Variants in NEDD1 observed in about 807,000 individuals in gnomAD.
The protein encoded by NEDD1 is NEDD1 gamma-tubulin ring complex targeting factor, also known as protein NEDD1.
A neutral mutation model predicts 74.0 loss-of-function variants in NEDD1; 33 were observed. The ratio of observed to expected loss-of-function variants is 0.45; its 90% CI spans 0.34 to 0.60. The LOEUF is 0.60. Ranked by LOEUF, NEDD1 falls within the 20% of genes least tolerant of loss-of-function variation. The probability of loss-of-function intolerance (pLI) is 0.01; values close to 1 mark genes in which losing one functional copy is unlikely to be tolerated. For missense variants in NEDD1, 746 were observed against 776.5 expected, an observed-to-expected ratio of 0.96 and a Z score of 0.47; for synonymous variants, 250 against 264.4, an observed-to-expected ratio of 0.95 and a Z score of 0.53.
chr12:96,930,632 G>T (rs560455720), intron 6 of NEDD1, among the ~76,000 whole-genome samples: 3 of 152,258 alleles, frequency 2.0e-5, no homozygotes, highest in African/African-American at 7.2e-5. Context: ...TAGGTGTTCA[G>T]CTGTGGTTCA....
intron 6 of NEDD1, among the ~76,000 whole-genome samples, chr12:96,932,202 C>A (rs1229005136): frequency 1.3e-5 from 2 of 151,166 alleles, no homozygotes; most frequent in African/African-American, 2.4e-5. Context: ...TTTTCCCCCC[C>A]ATAAGCTTCT....
intron 6 of NEDD1, among the ~76,000 whole-genome samples, chr12:96,932,583 ATATCT>A (rs988981774): frequency 3.9e-4 from 57 of 145,236 alleles, no homozygotes; most frequent in African/African-American, 1.4e-3. Context: ...TTCTTAGCTA[ATATCT>A]TAATGATATT....
In NEDD1 at chr12:96,945,706, A is replaced by G. The variant is rs1208248441; in HGVS notation, c.1668A>G (p.Ala556=). The change falls in exon 14 of 16, where the codon GCA becomes GCG. Residue 556 remains alanine, a synonymous_variant. Transcript: ENST00000266742. ...NGSSTPNPKI[A]SSVTAGVASS... The stretch of plus-strand genomic sequence containing the variant: ...TCTTTATTTTAGATCCAAAGATAGC[A>G]TCTTCTGTCACTGCTGGAGTTGCCA... 10 of 1,596,674 alleles carry G rather than the reference A, an allele frequency of 6.3e-6. No homozygotes were observed. Among genetic ancestry groups the G allele is most frequent in the Non-Finnish European group, 6.9e-6 (8 of 1,164,574 alleles).
intron 4 of NEDD1, among the ~76,000 whole-genome samples, chr12:96,914,422 C>G (rs1288284315): frequency 2.0e-5 from 3 of 152,046 alleles, no homozygotes; most frequent in Admixed American, 2.0e-4. Flanking sequence ...TGATTCTTAG[C>G]CCTCTTTCCC....
chr12:96,940,590 C>G (rs1028033732), intron 10 of NEDD1, 53 bp downstream of exon 10: 26 of 1,372,110 alleles, frequency 1.9e-5, no homozygotes, highest in Non-Finnish European at 2.5e-5. Context: ...TATTTTTATT[C>G]TGGCTAAAAG....
intron 6 of NEDD1, among the ~76,000 whole-genome samples, chr12:96,934,705 T>G (rs1336765606): frequency 6.6e-6 from 1 of 151,886 alleles, no homozygotes; most frequent in African/African-American, 2.4e-5. Flanking sequence ...GCCCAGCTAA[T>G]TTTTGTATTT....
rs1873728482 is a variant in NEDD1, at chr12:96,909,906, A to G, written c.136+11A>G. ...GTTGGAGCAGCAATAGTATCCTTTAAAAAAAAAAAACACACACACACACAC... is the reference window on the plus strand; with the variant it reads ...GTTGGAGCAGCAATAGTATCCTTTAGAAAAAAAAAACACACACACACACAC... On this transcript the variant is annotated intron_variant, in intron 3 of 15. Coordinates refer to ENST00000266742, the MANE Select transcript of NEDD1 (RefSeq NM_152905.4). The G allele has an allele frequency of 9.3e-7, 1 of 1,079,192 alleles. No individual in the cohort carries two copies. Among genetic ancestry groups the G allele is most frequent in the African/African-American group, 1.9e-5 (1 of 53,956 alleles). The allele number at this position is 1,079,192 out of a possible 1,614,324, so 66.9% of individuals were successfully genotyped here.
rs940939570 is a variant in NEDD1 at position 96,920,178 on chromosome 12, A to G, written c.489+53A>G. The G allele has an allele frequency of 1.0e-5, 12 of 1,151,640 alleles. No individual in the cohort carries two copies. The African/African-American group carries it at 1.9e-4, about 18-fold the overall frequency. 71.3% of individuals were successfully genotyped at this position (1,151,640 alleles called of 1,614,324 possible). ...ATTGGTAAGATAGATTTTGAATTGT[A>G]TCTTACATAAGACTGTGAATTTAAG... On this transcript the variant is annotated intron_variant, in intron 6 of 15. Coordinates refer to ENST00000266742, the MANE Select transcript of NEDD1 (RefSeq NM_152905.4).
Position 96,917,671 on chromosome 12 carries a change from C to T in NEDD1, c.282C>T (p.Ser94=), listed in dbSNP as rs372703485. 22 of 1,543,844 alleles carry T rather than the reference C, an allele frequency of 1.4e-5. No homozygotes were observed. The highest frequency in any genetic ancestry group is 3.9e-5 in the South Asian group (3 of 76,918). The stretch of plus-strand genomic sequence containing the variant: ...ATTCTACATCTATGTATTTGGTAAG[C>T]GGAGGCCTAAATAACACTGTTAATA... ...NLNSTSMYLV[S]GGLNNTVNIW... Residue 94 remains serine (S), a synonymous_variant, in exon 5 of 16, where the codon AGC becomes AGT. Coordinates refer to ENST00000266742, the MANE Select transcript of NEDD1 (RefSeq NM_152905.4).
Position 96,953,218 on chromosome 12 carries a change from A to C in NEDD1, c.*1165A>C, listed in dbSNP as rs945065063. On this transcript the variant is annotated 3_prime_UTR_variant, in exon 16 of 16. Transcript: ENST00000266742. ...AAGTATTTACTAAAATTAAAAAAAAAAAAACAAAAAACAAACCTTTAGCTC... is the reference window on the plus strand; with the variant it reads ...AAGTATTTACTAAAATTAAAAAAAACAAAACAAAAAACAAACCTTTAGCTC... 2.6e-5 allele frequency: 4 copies of C among 151,244 alleles called. No homozygotes were observed. The highest frequency in any genetic ancestry group is 2.1e-4 in the South Asian group (1 of 4,828). The allele number at this position is 151,244 out of a possible 1,614,324, so 9.4% of individuals were successfully genotyped here.
intron 6 of NEDD1, among the ~76,000 whole-genome samples, chr12:96,932,443 A>AC (rs1491121551): frequency 2.2e-4 from 3 of 13,352 alleles, no homozygotes; most frequent in African/African-American, 6.5e-4. Flanking sequence ...CCTGTCTCTT[A>AC]AAAAAAAAAA....
rs1876950788 is a variant in NEDD1 at position 96,935,065 on chromosome 12, T to C, written c.579T>C (p.Asn193=). 6.2e-7 allele frequency: 1 copy of C among 1,609,140 alleles called. No homozygotes were observed. The highest frequency in any genetic ancestry group is 1.1e-5 in the South Asian group (1 of 90,998). Residue 193 remains asparagine, a synonymous_variant, in exon 7 of 16, where the codon AAT becomes AAC. Coordinates refer to ENST00000266742, the MANE Select transcript of NEDD1 (RefSeq NM_152905.4). ...DNGIVTLWDV[N]SQSPYHNFDS... is the part of the protein sequence containing the mutation. ...GAATAGTAACTCTCTGGGATGTAAA[T>C]AGTCAGAGTCCATACCATAACTTTG...
intron 10 of NEDD1, among the ~76,000 whole-genome samples, chr12:96,941,255 A>G (rs1877634984): frequency 6.6e-6 from 1 of 152,106 alleles, no homozygotes; most frequent in African/African-American, 2.4e-5. Flanking sequence ...TATTATTATA[A>G]GTGTACCATG....
chr12:96,942,907 T>C (rs368857968), intron 11 of NEDD1, among the ~76,000 whole-genome samples: 1 of 148,488 alleles, frequency 6.7e-6, no homozygotes, highest in Non-Finnish European at 1.5e-5. Flanking sequence ...GCTGGAGATA[T>C]CAGTTCCATG....
At chr12:96,946,267 A>C (rs1592932126) in intron 14 of NEDD1, among the ~76,000 whole-genome samples, 1 of 152,052 alleles carries the variant, frequency 6.6e-6, no homozygotes, top group South Asian at 2.1e-4. Flanking sequence ...AATGCATCAG[A>C]ATGTAATACT....
At chr12:96,908,773 T>A (rs916848372) in intron 2 of NEDD1, among the ~76,000 whole-genome samples, 89 of 152,330 alleles carry the variant, frequency 5.8e-4, no homozygotes, top group African/African-American at 9.9e-4. Context: ...ATACTTTTTT[T>A]AAAAATTAGG....
Position 96,927,148 on chromosome 12 carries a change from G to A in NEDD1, c.489+7023G>A, listed in dbSNP as rs1000527030. On this transcript the variant is annotated intron_variant, in intron 6 of 15. Transcript: ENST00000266742. ...CTTATTGAGAAAAATGGTAAATAGG[G>A]CACATCCATGATTAAATTAAAAATT... 3.9e-5 allele frequency among the ~76,000 whole-genome samples: 6 copies of A among 151,982 alleles called. No individual in the cohort carries two copies. In the East Asian group the frequency reaches 7.7e-4, roughly 20 times the overall value.
chr12:96,917,053 A>T lies in NEDD1; in HGVS notation c.232-568A>T, dbSNP rs146173796. On this transcript the variant is annotated intron_variant, in intron 4 of 15. Transcript: ENST00000266742. ...GAGAAACTGGATGGTGTCTTTACAG[A>T]GATGGGGAACAGTTGAAGTCAGGCT... Among the ~76,000 whole-genome samples the T allele has an allele frequency of 3.3e-3, 507 of 152,272 alleles. 5 individuals are homozygous for T. The highest frequency in any genetic ancestry group is 0.011 in the East Asian group (59 of 5,190).
chr12:96,935,836 A>G (rs1877029147), intron 7 of NEDD1, among the ~76,000 whole-genome samples: 1 of 152,146 alleles, frequency 6.6e-6, no homozygotes, highest in South Asian at 2.1e-4. Flanking sequence ...AACAAAAACA[A>G]AAACAAAAGA....
Sources: allele counts gnomAD v4.1 joint callset (sites outside exome capture counted in the v4.1 genomes callset), GRCh38; gene constraint gnomAD v4.1.1; transcripts MANE v1.5; gene names NCBI Gene and HGNC (gene_info 2026-07-23, HGNC 2026-07-21).